BRCA2: variants seen among roughly 807,000 people sequenced by gnomAD.
BRCA2 encodes the protein breast cancer type 2 susceptibility protein.
BRCA2 carries 203 observed loss-of-function variants against 276.7 expected under a neutral mutation model. That is an observed-to-expected ratio of 0.73 (90% CI 0.65 to 0.82). The LOEUF (loss-of-function observed/expected upper bound fraction) is 0.82, where lower values mean the gene tolerates loss of function less well. Ranked by LOEUF, BRCA2 falls within the 40% of genes least tolerant of loss-of-function variation. The pLI, the probability that BRCA2 is intolerant of heterozygous loss-of-function variation, is 0.00. For synonymous variants in BRCA2, 1,289 were observed against 1,338.4 expected (o/e 0.96, Z 0.81); for missense variants, 3,920 against 3,915.0 (o/e 1.00, Z -0.03).
chr13:32,365,523 G>A (rs11571728), intron 18 of BRCA2, among the ~76,000 whole-genome samples: 2 of 151,942 alleles, frequency 1.3e-5, no homozygotes, highest in African/African-American at 4.8e-5. Flanking sequence ...TGGGATTACA[G>A]GTACCTGCCA....
At position 32,332,262 on chromosome 13, in the gene BRCA2, A is replaced by T. The variant is rs779180817; in HGVS notation, c.794-10A>T. The T allele has an allele frequency of 6.3e-7, 1 of 1,588,022 alleles. No individual in the cohort carries two copies. The highest frequency in any genetic ancestry group is 1.1e-5 in the South Asian group (1 of 87,986). On this transcript the variant is annotated splice_polypyrimidine_tract_variant and intron_variant, in intron 9 of 26. Coordinates refer to ENST00000380152, the MANE Select transcript of BRCA2 (RefSeq NM_000059.4). ...AAATATTAATGTGCTTCTGTTTTAT[A>T]CTTTAACAGGATTTGGAAAAACATC...
intron 12 of BRCA2, 28 bp from the exon 13 acceptor site, chr13:32,346,799 T>A (rs2137541027): frequency 6.5e-7 from 1 of 1,541,770 alleles, no homozygotes; most frequent in Non-Finnish European, 8.9e-7. Flanking sequence ...TTTTAACTAA[T>A]ATGTAATATA....
intron 24 of BRCA2, chr13:32,385,722 T>C (rs2137636215): frequency 5.2e-6 from 1 of 190,534 alleles, no homozygotes; most frequent in Non-Finnish European, 1.1e-5. Context: ...CAGGAAAGTA[T>C]ATAGAAGCAG....
intron 24 of BRCA2, among the ~76,000 whole-genome samples, chr13:32,386,669 C>G (rs1566256117): frequency 6.6e-6 from 1 of 151,488 alleles, no homozygotes; most frequent in Non-Finnish European, 1.5e-5. Flanking sequence ...GTGCCATGAC[C>G]CAGTGTAATT....
In BRCA2 at chr13:32,341,048, T is replaced by G. The variant is rs786202036; in HGVS notation, c.6693T>G (p.Ala2231=). 1 of 1,613,852 alleles carries G rather than the reference T, an allele frequency of 6.2e-7. No homozygotes were observed. Among genetic ancestry groups the G allele is most frequent in the South Asian group, 1.1e-5 (1 of 91,062 alleles). The change falls in exon 11 of 27, where the codon GCT becomes GCG. Residue 2231 remains alanine (A), a synonymous_variant. Transcript: ENST00000380152. ...NYFETEAVEI[A]KAFMEDDELT... ...TTGAAACAGAAGCAGTAGAAATTGC[T>G]AAAGCTTTTATGGAAGATGATGAAC... is the stretch of plus-strand genomic sequence containing the variant.
intron 11 of BRCA2, among the ~76,000 whole-genome samples, chr13:32,343,835 CTG>C (rs2072590800): frequency 6.6e-6 from 1 of 152,076 alleles, no homozygotes; most frequent in Non-Finnish European, 1.5e-5. Flanking sequence ...GTACAGGTCA[CTG>C]TTAAACAATT....
In BRCA2 at chr13:32,355,204, G is replaced by A. The variant is rs1064794968; in HGVS notation, c.7351G>A (p.Asp2451Asn). The A allele has an allele frequency of 6.2e-7, 1 of 1,609,892 alleles. No homozygotes were observed. Among genetic ancestry groups the A allele is most frequent in the Non-Finnish European group, 8.5e-7 (1 of 1,178,014 alleles). Residue 2451 changes from aspartate to asparagine, a missense_variant, in exon 14 of 27, where the codon GAC (aspartate) becomes AAC (asparagine). This residue lies in a region of BRCA2 where 3,263 missense variants were observed against 3,156.9 expected (regional missense o/e 1.03). Transcript: ENST00000380152. Reference protein sequence around the residue: ...GSDDSKNKINDNEIHQFNKNN... With the variant: ...GSDDSKNKINNNEIHQFNKNN... The stretch of plus-strand genomic sequence containing the variant: ...TGATGATAGTAAAAATAAGATTAAT[G>A]ACAATGAGATTCATCAGTTTAACAA...
At chr13:32,387,838 G>T (rs2072970763) in intron 24 of BRCA2, among the ~76,000 whole-genome samples, 3 of 152,214 alleles carry the variant, frequency 2.0e-5, no homozygotes, top group South Asian at 2.1e-4. Flanking sequence ...AAAAGGAAAG[G>T]GCCCCCTATC....
Position 32,399,125 on chromosome 13 carries a change from A to AC in BRCA2, c.*360dup, listed in dbSNP as rs886050114. ...AGACCAGCCTGGGCAACATAGGGAG[A>AC]CCCCCATCTTTACAAAGAAAAAAAA... On this transcript the variant is annotated 3_prime_UTR_variant, in exon 27 of 27. Coordinates refer to ENST00000380152, the MANE Select transcript of BRCA2 (RefSeq NM_000059.4). The AC allele has an allele frequency of 1.5e-4, 36 of 242,820 alleles. No homozygotes were observed. Among genetic ancestry groups the AC allele is most frequent in the African/African-American group, 5.6e-4 (25 of 44,850 alleles). 15.0% of individuals were successfully genotyped at this position (242,820 alleles called of 1,614,324 possible). A position where few individuals can be genotyped will look rare whatever the true frequency, so the allele number is the denominator to read the frequency against.
At chr13:32,365,721 CT>C (rs36116910) in intron 18 of BRCA2, among the ~76,000 whole-genome samples, 1,073 of 105,864 alleles carry the variant, frequency 0.01, 16 homozygotes, top group African/African-American at 0.028. Context: ...ACTTTGGTGT[CT>C]TTTTTTTTTT....
chr13:32,386,085 A>T (rs1463627980), intron 24 of BRCA2: 1 of 188,228 alleles, frequency 5.3e-6, no homozygotes, highest in Non-Finnish European at 1.2e-5. Flanking sequence ...GCTGAGTTTT[A>T]GAACTCTGTG....
chr13:32,382,680 G>T (rs1183911824), intron 24 of BRCA2, among the ~76,000 whole-genome samples: 2 of 152,172 alleles, frequency 1.3e-5, no homozygotes, highest in East Asian at 3.9e-4. Context: ...GAGAAGAAGA[G>T]AAATGAATCA....
intron 4 of BRCA2, 113 bp from the exon 5 acceptor site, chr13:32,325,988 A>C (rs2072342167): frequency 1.1e-6 from 1 of 910,764 alleles, no homozygotes; most frequent in Non-Finnish European, 1.7e-6. Flanking sequence ...AAAATATCTA[A>C]AAGTAGTATT....
rs80358492 is a variant in BRCA2, at chr13:32,336,564, G to T, written c.2209G>T (p.Ala737Ser). 1.2e-6 allele frequency: 2 copies of T among 1,614,062 alleles called. No homozygotes were observed. The highest frequency in any genetic ancestry group is 2.2e-5 in the East Asian group (1 of 44,864). The part of the protein sequence containing the change: ...SDIKEEVLAA[A>S]CHPVQHSKVE... ...TATAAAAGAAGAGGTCTTGGCTGCA[G>T]CATGTCACCCAGTACAACATTCAAA... Residue 737 changes from alanine to serine, a missense_variant, in exon 11 of 27, where the codon GCA (alanine) becomes TCA (serine). Ala to Ser is a moderately conservative substitution (Grantham distance 99, BLOSUM62 1). Transcript: ENST00000380152.
intron 24 of BRCA2, among the ~76,000 whole-genome samples, chr13:32,391,146 CTG>C (rs1211869314): frequency 6.6e-6 from 1 of 152,094 alleles, no homozygotes; most frequent in Non-Finnish European, 1.5e-5. Flanking sequence ...TACAGAAACA[CTG>C]TGATATATAA....
intron 20 of BRCA2, among the ~76,000 whole-genome samples, chr13:32,371,467 A>AT (rs1435969496): frequency 1.3e-5 from 2 of 151,542 alleles, no homozygotes; most frequent in East Asian, 3.9e-4. Context: ...CATAAATTTT[A>AT]TTTTTTCGTA....
intron 17 of BRCA2, 37 bp downstream of exon 17, chr13:32,362,730 G>T: frequency 6.2e-7 from 1 of 1,607,858 alleles, no homozygotes; most frequent in Non-Finnish European, 8.5e-7. Context: ...ATCATATACG[G>T]CAGTATGGTT....
chr13:32,318,605 C>A (rs575151227), intron 2 of BRCA2, among the ~76,000 whole-genome samples: 2 of 152,128 alleles, frequency 1.3e-5, no homozygotes, highest in South Asian at 2.1e-4. Flanking sequence ...CCATGCTTGG[C>A]TAATTTTTTG....
intron 9 of BRCA2, among the ~76,000 whole-genome samples, chr13:32,331,857 T>C (rs2072394016): frequency 6.6e-6 from 1 of 152,192 alleles, no homozygotes; most frequent in African/African-American, 2.4e-5. Flanking sequence ...GTCTGTGTGG[T>C]ATCATGTACG....
Sources: allele counts gnomAD v4.1 joint callset (sites outside exome capture counted in the v4.1 genomes callset), GRCh38; gene constraint gnomAD v4.1.1; regional missense constraint gnomAD v4.1.1; transcripts MANE v1.5; gene names NCBI Gene and HGNC (gene_info 2026-07-23, HGNC 2026-07-21).